The following HPN variants were observed in gnomAD, a reference collection of about 807,000 sequenced individuals.
The protein encoded by HPN is hepsin.
HPN carries 13 observed loss-of-function variants against 55.9 expected under a neutral mutation model. The ratio of observed to expected loss-of-function variants is 0.23; its 90% CI spans 0.15 to 0.37. The LOEUF (loss-of-function observed/expected upper bound fraction) is 0.37, where lower values mean the gene tolerates loss of function less well. Among genes scored for constraint, HPN ranks in the 10% least tolerant of loss-of-function variants. The pLI, the probability that HPN is intolerant of heterozygous loss-of-function variation, is 1.00. For missense variants in HPN, 451 were observed against 575.8 expected (o/e 0.78, Z 2.22); for synonymous variants, 225 against 240.3 (o/e 0.94, Z 0.59).
chr19:35,042,081 C>A, intron 1 of HPN: 1 of 1,122,888 alleles, frequency 8.9e-7, no homozygotes, highest in Non-Finnish European at 1.1e-6. Context: ...CCTCCCCAGA[C>A]CCAGGAGTTC....
chr19:35,056,386 T>G (rs1410017547), intron 4 of HPN, among the ~76,000 whole-genome samples: 1 of 152,186 alleles, frequency 6.6e-6, no homozygotes, highest in Non-Finnish European at 1.5e-5. Context: ...GCAGTGGTGA[T>G]TTGTTCACTG....
At position 35,060,006 on chromosome 19, in the gene HPN, G is replaced by T; in HGVS notation, c.413+10G>T. ...AGGTCATCTCCGTGTGGTGAGGAGG[G>T]CAGCGGGCAGGTGGGGCAACACCTC... On this transcript the variant is annotated intron_variant, in intron 6 of 12. Coordinates refer to ENST00000672452, the MANE Select transcript of HPN (RefSeq NM_001384133.1). 6.3e-7 allele frequency: 1 copy of T among 1,594,622 alleles called. No homozygotes were observed. The highest frequency in any genetic ancestry group is 1.7e-4 in the Middle Eastern group (1 of 5,974).
chr19:35,065,807 CG>C lies in HPN; in HGVS notation c.1051-57del, dbSNP rs199990058. ...TCTGGGGCCACAGCCCATGTCATCCCGGGGTGGGCCTCCTGTCCAACCACTT... is the reference window on the plus strand; with the variant it reads ...TCTGGGGCCACAGCCCATGTCATCCCGGGTGGGCCTCCTGTCCAACCACTT... On this transcript the variant is annotated intron_variant, in intron 11 of 12. Transcript: ENST00000672452. 4.2e-5 allele frequency: 63 copies of C among 1,516,564 alleles called. No individual in the cohort carries two copies. The African/African-American group carries it at 9.3e-4, about 22-fold the overall frequency. The allele number at this position is 1,516,564 out of a possible 1,614,324, so 93.9% of individuals were successfully genotyped here.
intron 4 of HPN, among the ~76,000 whole-genome samples, chr19:35,054,826 G>A (rs2064439666): frequency 6.6e-6 from 1 of 152,128 alleles, no homozygotes; most frequent in East Asian, 1.9e-4. Flanking sequence ...GAACACAGTA[G>A]GTCCTCAGCT....
chr19:35,065,815 G>T, intron 11 of HPN, 53 bp from the exon 12 acceptor site: 4 of 1,605,468 alleles, frequency 2.5e-6, no homozygotes, highest in Admixed American at 1.7e-5. Context: ...CCCGGGGTGG[G>T]CCTCCTGTCC....
intron 2 of HPN, among the ~76,000 whole-genome samples, chr19:35,046,391 C>T (rs1247811494): frequency 8.6e-5 from 13 of 152,042 alleles, no homozygotes; most frequent in Non-Finnish European, 1.9e-4. Context: ...ACTATAGGCG[C>T]CCGCCACCAC....
chr19:35,059,832 C>T lies in HPN; in HGVS notation c.290+30C>T, dbSNP rs769819502. ...TGGGGGCCCTCGGAGGGGTGGGAGC[C>T]GGGAGGGGCTGGGGAGCAGGCCTAA... On this transcript the variant is annotated intron_variant, in intron 5 of 12. Coordinates refer to ENST00000672452, the MANE Select transcript of HPN (RefSeq NM_001384133.1). The T allele has an allele frequency of 2.0e-5, 31 of 1,530,708 alleles. No homozygotes were observed. In the African/African-American group the frequency reaches 2.0e-4, roughly 10 times the overall value. 94.8% of individuals were successfully genotyped at this position (1,530,708 alleles called of 1,614,324 possible).
At chr19:35,049,707 CT>C (rs1261633479) in intron 4 of HPN, among the ~76,000 whole-genome samples, 191 bp downstream of exon 4, 1 of 152,136 alleles carries the variant, frequency 6.6e-6, no homozygotes, top group South Asian at 2.1e-4. Flanking sequence ...CTAACCCAGA[CT>C]TTTTCAGACA....
intron 2 of HPN, among the ~76,000 whole-genome samples, chr19:35,046,375 G>A (rs1030502074): frequency 3.3e-5 from 5 of 152,096 alleles, no homozygotes; most frequent in Non-Finnish European, 5.9e-5. Context: ...TTCCCGAGTA[G>A]CTGGGACTAT....
At chr19:35,053,730 G>A (rs1264526047) in intron 4 of HPN, among the ~76,000 whole-genome samples, 1 of 152,118 alleles carries the variant, frequency 6.6e-6, no homozygotes, top group Admixed American at 6.5e-5. Flanking sequence ...GGGAGACAGA[G>A]CAAGACTCCA....
chr19:35,053,858 C>CA (rs2064428841), intron 4 of HPN, among the ~76,000 whole-genome samples: 1 of 152,022 alleles, frequency 6.6e-6, no homozygotes, highest in South Asian at 2.1e-4. Context: ...ATGAGGACCC[C>CA]ACAGCCAGAG....
At position 35,059,479 on chromosome 19, in the gene HPN, C is replaced by G. The variant is rs1485684157; in HGVS notation, c.161-194C>G. 8.0e-6 allele frequency: 6 copies of G among 748,600 alleles called. No homozygotes were observed. The African/African-American group carries it at 1.0e-4, about 13-fold the overall frequency. The allele number at this position is 748,600 out of a possible 1,614,324, so 46.4% of individuals were successfully genotyped here. A position where few individuals can be genotyped will look rare whatever the true frequency, so the allele number is the denominator to read the frequency against. ...CCTGGGCAACAGAGCGAGACCCTGT[C>G]TTTAAAAAAAAAAAGTCCTTGAGTC... On this transcript the variant is annotated intron_variant, in intron 4 of 12. Coordinates refer to ENST00000672452, the MANE Select transcript of HPN (RefSeq NM_001384133.1).
At chr19:35,043,895 C>A (rs146344631) in intron 2 of HPN, among the ~76,000 whole-genome samples, 1 of 152,218 alleles carries the variant, frequency 6.6e-6, no homozygotes, top group African/African-American at 2.4e-5. Context: ...CAAAGAGAAA[C>A]AGACACAAAG....
At chr19:35,051,891 G>A (rs376583861) in intron 4 of HPN, among the ~76,000 whole-genome samples, 1 of 152,084 alleles carries the variant, frequency 6.6e-6, no homozygotes, top group African/African-American at 2.4e-5. Flanking sequence ...AAGGGATCAC[G>A]CCCCTGTCAA....
intron 4 of HPN, among the ~76,000 whole-genome samples, chr19:35,056,130 C>T (rs1453430054): frequency 6.6e-6 from 1 of 152,128 alleles, no homozygotes; most frequent in Non-Finnish European, 1.5e-5. Flanking sequence ...TTTCTCACCT[C>T]CTGCAGGTCT....
rs1433259908 is a variant in HPN, at chr19:35,065,506, C to A, written c.908-33C>A. ...AGGGAAGGGGGGTGTGTACACCCCC[C>A]AGCTCTGGCCAGCCTTGCCTGCACA... On this transcript the variant is annotated intron_variant, in intron 10 of 12. Transcript: ENST00000672452. The A allele has an allele frequency of 1.9e-6, 3 of 1,611,008 alleles. No individual in the cohort carries two copies. The Admixed American group carries it at 5.0e-5, about 27-fold the overall frequency.
At chr19:35,059,650 C>T in intron 4 of HPN, 23 bp from the exon 5 acceptor site, 1 of 1,579,172 alleles carries the variant, frequency 6.3e-7, no homozygotes, top group Non-Finnish European at 8.6e-7. Flanking sequence ...ACCCAGGCGG[C>T]CCCGGGCCCT....
intron 2 of HPN, among the ~76,000 whole-genome samples, chr19:35,045,260 A>G (rs2064330773): frequency 1.3e-5 from 2 of 152,096 alleles, no homozygotes; most frequent in Non-Finnish European, 1.5e-5. Context: ...GGCCAGCCCT[A>G]CAAACTCTGG....
intron 4 of HPN, among the ~76,000 whole-genome samples, chr19:35,052,534 CAAAAAAAAAAA>C (rs5827918): frequency 1.7e-4 from 14 of 84,562 alleles, no homozygotes; most frequent in Non-Finnish European, 2.6e-4. Flanking sequence ...GAGTCTGTCT[CAAAAAAAAAAA>C]AAAAAAAAAA....
Sources: allele counts gnomAD v4.1 joint callset (sites outside exome capture counted in the v4.1 genomes callset), GRCh38; gene constraint gnomAD v4.1.1; transcripts MANE v1.5; gene names NCBI Gene and HGNC (gene_info 2026-07-23, HGNC 2026-07-21).